Variants in KDM4C observed in about 807,000 individuals in gnomAD.
KDM4C encodes lysine-specific demethylase 4C.
In KDM4C, 81 loss-of-function variants were observed where a neutral mutation model predicts 129.3. The observed-to-expected ratio is 0.63, with a 90% CI of 0.52 to 0.75. KDM4C has a LOEUF of 0.75. Among genes scored for constraint, KDM4C ranks in the 30% least tolerant of loss-of-function variants. The pLI, the probability that KDM4C is intolerant of heterozygous loss-of-function variation, is 0.00. For synonymous variants in KDM4C, 573 were observed against 456.1 expected (o/e 1.26, Z -3.26); for missense variants, 1,457 against 1,304.0 (o/e 1.12, Z -1.81).
intron 1 of KDM4C, among the ~76,000 whole-genome samples, chr9:6,760,803 A>G (rs1819317713): frequency 6.6e-6 from 1 of 151,010 alleles, no homozygotes; most frequent in African/African-American, 2.4e-5. Flanking sequence ...CGATCTCCTG[A>G]CCTCGTGATC....
At chr9:7,060,870 T>C (rs182633366) in intron 17 of KDM4C, among the ~76,000 whole-genome samples, 74 of 152,262 alleles carry the variant, frequency 4.9e-4, no homozygotes, top group Admixed American at 4.8e-3. Flanking sequence ...TGGTTTACAT[T>C]GTCAAGTCCT....
intron 1 of KDM4C, among the ~76,000 whole-genome samples, chr9:6,767,846 G>C (rs1588135937): frequency 6.6e-6 from 1 of 151,868 alleles, no homozygotes; most frequent in South Asian, 2.1e-4. Context: ...TAATATTCAG[G>C]CAGCTTTCAT....
intron 8 of KDM4C, chr9:6,925,124 C>G (rs568068230): frequency 1.0e-6 from 1 of 985,370 alleles, no homozygotes; most frequent in African/African-American, 1.7e-5. Flanking sequence ...CCTCTTTGAA[C>G]TCTTTCATGG....
At chr9:7,045,753 G>A (rs935612230) in intron 15 of KDM4C, among the ~76,000 whole-genome samples, 1 of 151,936 alleles carries the variant, frequency 6.6e-6, no homozygotes, top group Admixed American at 6.6e-5. Context: ...CAAACCTGTT[G>A]GACATTTCTA....
At position 6,990,289 on chromosome 9, in the gene KDM4C, C is replaced by T. The variant is rs1021788234; in HGVS notation, c.1678-127C>T. 2.2e-5 allele frequency: 15 copies of T among 683,128 alleles called. No individual in the cohort carries two copies. The Admixed American group carries it at 4.0e-4, about 18-fold the overall frequency. The allele number at this position is 683,128 out of a possible 1,614,324, so 42.3% of individuals were successfully genotyped here. On this transcript the variant is annotated intron_variant, in intron 11 of 21. Coordinates refer to ENST00000381309, the MANE Select transcript of KDM4C (RefSeq NM_015061.6). ...TAAATTTCTTAAAGGACTAGTTCCC[C>T]AAGAGGTAAACAACCACAAGATTTC...
At position 7,135,835 on chromosome 9, in the gene KDM4C, G is replaced by A. The variant is rs556066289; in HGVS notation, c.2781+7599G>A. 2.1e-3 allele frequency among the ~76,000 whole-genome samples: 320 copies of A among 152,296 alleles called. 2 individuals are homozygous for A. Among genetic ancestry groups the A allele is most frequent in the African/African-American group, 7.4e-3 (309 of 41,552 alleles). ...GTGCTCTGGAGTTTTGGGCCAAGTG[G>A]CCAAGACAGTGGCAGACATCTCTCA... On this transcript the variant is annotated intron_variant, in intron 19 of 21. Transcript: ENST00000381309.
intron 5 of KDM4C, among the ~76,000 whole-genome samples, chr9:6,866,904 C>CAT (rs141311036): frequency 0.066 from 8,660 of 130,980 alleles, 405 homozygotes; most frequent in East Asian, 0.18. Flanking sequence ...TATATATATA[C>CAT]ATATATATAT....
At chr9:6,762,387 G>C (rs1213960869) in intron 1 of KDM4C, among the ~76,000 whole-genome samples, 2 of 151,362 alleles carry the variant, frequency 1.3e-5, no homozygotes, top group East Asian at 3.9e-4. Context: ...GCTCAGGCTA[G>C]TCTCAAAATT....
chr9:7,026,224 A>G (rs1468491904), intron 15 of KDM4C, among the ~76,000 whole-genome samples: 2 of 151,876 alleles, frequency 1.3e-5, no homozygotes, highest in East Asian at 1.9e-4. Context: ...AAAAAAAAGA[A>G]ACAGAAAAAC....
At chr9:6,813,758 G>C (rs1250486238) in intron 3 of KDM4C, among the ~76,000 whole-genome samples, 1 of 151,882 alleles carries the variant, frequency 6.6e-6, no homozygotes, top group Non-Finnish European at 1.5e-5. Context: ...TTAATAATTT[G>C]GTGTACATTT....
In KDM4C at chr9:7,174,954, G is replaced by C. The variant is rs545278641; in HGVS notation, c.*225G>C. The C allele has an allele frequency of 4.7e-4, 206 of 437,584 alleles. No individual in the cohort carries two copies. The highest frequency in any genetic ancestry group is 1.0e-3 in the Admixed American group (30 of 28,670). 27.1% of individuals were successfully genotyped at this position (437,584 alleles called of 1,614,324 possible). A position where few individuals can be genotyped will look rare whatever the true frequency, so the allele number is the denominator to read the frequency against. ...TCTCTAGTCTTGCTTTCACTTGTGA[G>C]CAGTTGTCTTCTATGATCCCAAAGA... On this transcript the variant is annotated 3_prime_UTR_variant, in exon 22 of 22. Transcript: ENST00000381309.
At chr9:6,962,460 C>T (rs1446060667) in intron 8 of KDM4C, among the ~76,000 whole-genome samples, 3 of 152,140 alleles carry the variant, frequency 2.0e-5, no homozygotes, top group Non-Finnish European at 2.9e-5. Context: ...ATAATCAGAC[C>T]GTATGAAGTC....
chr9:6,871,778 A>C (rs1249440801), intron 5 of KDM4C, among the ~76,000 whole-genome samples: 2 of 152,226 alleles, frequency 1.3e-5, no homozygotes, highest in Non-Finnish European at 2.9e-5. Context: ...TCTACAAGGT[A>C]GATGAAAATG....
At chr9:6,950,474 G>C (rs1329339536) in intron 8 of KDM4C, among the ~76,000 whole-genome samples, 1 of 152,110 alleles carries the variant, frequency 6.6e-6, no homozygotes, top group Non-Finnish European at 1.5e-5. Flanking sequence ...ATAGATTTGA[G>C]GGGAAGTATT....
At chr9:6,771,080 C>CTTTTTTTTTTT (rs35945405) in intron 1 of KDM4C, among the ~76,000 whole-genome samples, 1 of 56,970 alleles carries the variant, frequency 1.8e-5, no homozygotes, top group Non-Finnish European at 3.1e-5. Flanking sequence ...GACTGTGAAT[C>CTTTTTTTTTTT]TTTTTTTTTT....
intron 19 of KDM4C, among the ~76,000 whole-genome samples, chr9:7,164,630 T>C (rs965746593): frequency 2.0e-5 from 3 of 152,118 alleles, no homozygotes; most frequent in Admixed American, 2.0e-4. Flanking sequence ...GCTCCTGTTT[T>C]CCCTTCTCTG....
intron 4 of KDM4C, among the ~76,000 whole-genome samples, chr9:6,821,614 G>C (rs1461543300): frequency 1.3e-5 from 2 of 151,760 alleles, no homozygotes; most frequent in Non-Finnish European, 2.9e-5. Context: ...GTAGATTCTG[G>C]ATATTAGCCC....
chr9:7,036,835 G>T (rs1827737614), intron 15 of KDM4C, among the ~76,000 whole-genome samples: 1 of 152,172 alleles, frequency 6.6e-6, no homozygotes, highest in Non-Finnish European at 1.5e-5. Flanking sequence ...TCAGGGTCTA[G>T]AGCACATCAT....
intron 18 of KDM4C, among the ~76,000 whole-genome samples, chr9:7,121,802 A>C (rs1192378882): frequency 4.0e-5 from 6 of 151,760 alleles, no homozygotes; most frequent in Admixed American, 3.9e-4. Flanking sequence ...CAATCAATGG[A>C]AGGCTTAAAA....
Sources: allele counts gnomAD v4.1 joint callset (sites outside exome capture counted in the v4.1 genomes callset), GRCh38; gene constraint gnomAD v4.1.1; transcripts MANE v1.5; gene names NCBI Gene and HGNC (gene_info 2026-07-23, HGNC 2026-07-21).